OTOP1: variants seen among roughly 807,000 people sequenced by gnomAD.
OTOP1 encodes proton channel OTOP1.
In OTOP1, 59 loss-of-function variants were observed where a neutral mutation model predicts 52.9. The ratio of observed to expected loss-of-function variants is 1.12; its 90% CI spans 0.91 to 1.39. The LOEUF (loss-of-function observed/expected upper bound fraction) is 1.39. Among genes scored for constraint, OTOP1 ranks in the 40% most tolerant of loss-of-function variants. The pLI is 0.00. For missense variants in OTOP1, 761 were observed against 800.9 expected (o/e 0.95, Z 0.60); for synonymous variants, 317 against 337.7 (o/e 0.94, Z 0.67).
At position 4,197,632 on chromosome 4, in the gene OTOP1, G is replaced by C. The variant is rs761377105; in HGVS notation, c.1202C>G (p.Ser401Cys). ...SDLLVGTASG[S>C]WLISWGSILA... ...GATTGAGCCCCAGGAGATAAGCCAG[G>C]AGCCCGAGGCAGTGCCCACCAAGAG... Residue 401 changes from serine to cysteine, a missense_variant, in exon 5 of 6, where the codon TCC (serine) becomes TGC (cysteine). By Grantham distance (112) the Ser-to-Cys change is moderately radical (BLOSUM62 -1). Around this residue, in one of 3 missense-constraint regions of OTOP1, gnomAD observed 632 missense variants for 619.5 expected, o/e 1.02. Transcript: ENST00000296358. 7 of 1,613,854 alleles carry C rather than the reference G, an allele frequency of 4.3e-6. No homozygotes were observed. The South Asian group carries it at 7.7e-5, about 18-fold the overall frequency.
chr4:4,199,614 CGTT>C (rs773299396), intron 4 of OTOP1, among the ~76,000 whole-genome samples: 5 of 152,068 alleles, frequency 3.3e-5, no homozygotes, highest in Non-Finnish European at 5.9e-5. Context: ...GGTTCCGCCA[CGTT>C]GGCTAGGCTG....
At position 4,197,337 on chromosome 4, in the gene OTOP1, GGCT is replaced by G; in HGVS notation, c.1494_1496del (p.Ala499del). 1 of 1,614,018 alleles carries G rather than the reference GGCT, an allele frequency of 6.2e-7. No homozygotes were observed. The highest frequency in any genetic ancestry group is 8.5e-7 in the Non-Finnish European group (1 of 1,180,020). On this transcript the variant is annotated inframe_deletion, in exon 5 of 6. Coordinates refer to ENST00000296358, the MANE Select transcript of OTOP1 (RefSeq NM_177998.3). ...TTTCTCTCATGCACACATTTCCATT[GGCT>G]GCTGGTGGCATGTCCTTGCCCTGGG...
intron 5 of OTOP1, among the ~76,000 whole-genome samples, chr4:4,194,416 TTAGA>T (rs1716577654): frequency 6.6e-6 from 1 of 152,172 alleles, no homozygotes; most frequent in Non-Finnish European, 1.5e-5. Context: ...CAAATGTCTG[TTAGA>T]TGGAGAAGAG....
At chr4:4,213,399 T>C (rs1717066117) in intron 1 of OTOP1, among the ~76,000 whole-genome samples, 4 of 152,172 alleles carry the variant, frequency 2.6e-5, no homozygotes, top group Admixed American at 2.6e-4. Context: ...ATGAACTACA[T>C]GAAAATGAAA....
chr4:4,192,979 A>G (rs1483645384), intron 5 of OTOP1, among the ~76,000 whole-genome samples: 3 of 152,174 alleles, frequency 2.0e-5, no homozygotes, highest in Non-Finnish European at 4.4e-5. Context: ...CACAATGTGA[A>G]CGTACTTTAC....
At chr4:4,224,545 C>T (rs571414208) in intron 1 of OTOP1, among the ~76,000 whole-genome samples, 193 of 152,236 alleles carry the variant, frequency 1.3e-3, no homozygotes, top group Non-Finnish European at 2.3e-3. Flanking sequence ...TACTTTTTAG[C>T]CTGTGTAAGT....
At position 4,199,233 on chromosome 4, in the gene OTOP1, T is replaced by TGAGAGA. The variant is rs71600542; in HGVS notation, c.731-1136_731-1131dup. ...ACTCAGGTAAAATTGTGTGTGTGTG[T>TGAGAGA]GAGAGAGAGAGAGAGAGAGAGAGAG... is the stretch of plus-strand genomic sequence containing the variant. On this transcript the variant is annotated intron_variant, in intron 4 of 5. Coordinates refer to ENST00000296358, the MANE Select transcript of OTOP1 (RefSeq NM_177998.3). Among the ~76,000 whole-genome samples the TGAGAGA allele has an allele frequency of 7.0e-3, 686 of 98,538 alleles. 50 individuals are homozygous for TGAGAGA. The highest frequency in any genetic ancestry group is 0.012 in the African/African-American group (269 of 22,626). The allele number at this position is 98,538 out of a possible 152,430, so 64.6% of individuals were successfully genotyped here.
intron 1 of OTOP1, among the ~76,000 whole-genome samples, chr4:4,219,538 A>G (rs1717228894): frequency 6.6e-6 from 1 of 151,526 alleles, no homozygotes; most frequent in Non-Finnish European, 1.5e-5. Flanking sequence ...CGTCTCTACT[A>G]AAAATACAAA....
intron 5 of OTOP1, among the ~76,000 whole-genome samples, chr4:4,191,523 T>C (rs1433875169): frequency 6.6e-6 from 1 of 152,162 alleles, no homozygotes; most frequent in Non-Finnish European, 1.5e-5. Flanking sequence ...ACGCAGCCCT[T>C]CTTCCTGTTT....
In OTOP1 at chr4:4,197,995, A is replaced by G. The variant is rs773147654; in HGVS notation, c.839T>C (p.Leu280Pro). The G allele has an allele frequency of 6.2e-6, 10 of 1,614,130 alleles. No individual in the cohort carries two copies. The South Asian group carries it at 1.1e-4, about 18-fold the overall frequency. Residue 280 changes from leucine (L) to proline (P), a missense_variant, in exon 5 of 6, where the codon CTG (leucine) becomes CCG (proline). Leu to Pro is a moderately conservative substitution (Grantham distance 98). Around this residue, in one of 3 missense-constraint regions of OTOP1, gnomAD observed 632 missense variants for 619.5 expected, o/e 1.02. Transcript: ENST00000296358. ...CAGGACGTAGAGCATTGTGGAGGCC[A>G]GGATCTGATACTCTATGTTGAAGGG... ...LYPFNIEYQI[L>P]ASTMLYVLWK...
At chr4:4,213,628 T>C (rs1043097491) in intron 1 of OTOP1, among the ~76,000 whole-genome samples, 7 of 152,342 alleles carry the variant, frequency 4.6e-5, no homozygotes, top group Middle Eastern at 3.4e-3. Context: ...ATCCATACTG[T>C]ATCGTGTGTC....
intron 5 of OTOP1, among the ~76,000 whole-genome samples, chr4:4,191,856 A>C (rs1446307730): frequency 6.6e-6 from 1 of 152,220 alleles, no homozygotes; most frequent in Non-Finnish European, 1.5e-5. Context: ...CATGCATAGC[A>C]GTCCCTGAAC....
chr4:4,201,471 T>TAC (rs762922216), intron 4 of OTOP1, among the ~76,000 whole-genome samples: 10,472 of 140,738 alleles, frequency 0.074, 556 homozygotes, highest in African/African-American at 0.15. Context: ...TATATATATA[T>TAC]ACACACACAC....
chr4:4,199,233 T>TGTGTGTGAGAGAGAGAGA (rs1212354837), intron 4 of OTOP1, among the ~76,000 whole-genome samples: 2 of 98,566 alleles, frequency 2.0e-5, no homozygotes, highest in Admixed American at 9.9e-5. Context: ...TGTGTGTGTG[T>TGTGTGTGAGAGAGAGAGA]GAGAGAGAGA....
At position 4,218,656 on chromosome 4, in the gene OTOP1, G is replaced by A. The variant is rs529000650; in HGVS notation, c.404-5652C>T. Among the ~76,000 whole-genome samples, 5 of 152,120 alleles carry A rather than the reference G, an allele frequency of 3.3e-5. No homozygotes were observed. In the South Asian group the frequency reaches 8.3e-4, roughly 25 times the overall value. On this transcript the variant is annotated intron_variant, in intron 1 of 5. Coordinates refer to ENST00000296358, the MANE Select transcript of OTOP1 (RefSeq NM_177998.3). Reference sequence around the variant, plus strand: ...AATGCAGTAATAGGCAGCTGAGCACGGTGACTCACACCTATAATCCTGGCA... The same window carrying A: ...AATGCAGTAATAGGCAGCTGAGCACAGTGACTCACACCTATAATCCTGGCA...
chr4:4,209,757 AC>A (rs1441345686), intron 2 of OTOP1, among the ~76,000 whole-genome samples: 3 of 152,134 alleles, frequency 2.0e-5, no homozygotes, highest in African/African-American at 4.8e-5. Flanking sequence ...CTGAAGTCAC[AC>A]AGCTGTGGTT....
At chr4:4,202,721 G>T (rs1395032661) in intron 3 of OTOP1, 143 bp from the exon 4 acceptor site, 1 of 1,048,354 alleles carries the variant, frequency 9.5e-7, no homozygotes. Flanking sequence ...CTCTGGGTGG[G>T]CCCCCTGCCT....
chr4:4,210,413 T>C (rs966707172), intron 2 of OTOP1, among the ~76,000 whole-genome samples: 6 of 152,168 alleles, frequency 3.9e-5, no homozygotes, highest in African/African-American at 1.4e-4. Context: ...AGGCTAGAAA[T>C]CCAAGATCAA....
chr4:4,204,934 C>A (rs1249716795), intron 3 of OTOP1, among the ~76,000 whole-genome samples: 1 of 152,086 alleles, frequency 6.6e-6, no homozygotes, highest in Non-Finnish European at 1.5e-5. Flanking sequence ...CCACACACAG[C>A]TAATTTTTTT....
Sources: gnomAD v4.1 joint callset for allele counts (sites outside exome capture counted in the v4.1 genomes callset) on GRCh38, gnomAD v4.1.1 for gene constraint, gnomAD v4.1.1 regional missense constraint, MANE v1.5 for transcripts, NCBI Gene and HGNC (gene_info 2026-07-23, HGNC 2026-07-21) for gene names.